Variants in ARK2C observed in about 807,000 individuals in gnomAD.
ARK2C encodes arkadia (RNF111) C-terminal like ring finger ubiquitin ligase 2C, also known as E3 ubiquitin-protein ligase ARK2C.
At chr18:46,377,035 G>C in the ARK2C span, among the ~76,000 whole-genome samples, 2 of 152,182 alleles carry the variant, frequency 1.3e-5, no homozygotes, top group Non-Finnish European at 2.9e-5. Flanking sequence ...ACCTCAGGGA[G>C]TGGTCAGGCA....
the ARK2C span, among the ~76,000 whole-genome samples, chr18:46,390,649 T>C: frequency 1.3e-5 from 2 of 152,182 alleles, no homozygotes; most frequent in African/African-American, 2.4e-5. Context: ...GGACAGTTAG[T>C]CCATCAGCCC....
the ARK2C span, among the ~76,000 whole-genome samples, chr18:46,338,153 C>T: frequency 1.3e-5 from 2 of 152,178 alleles, no homozygotes; most frequent in African/African-American, 2.4e-5. Context: ...TGTTTGCTGT[C>T]TCATTGATTT....
chr18:46,382,833 C>T, the ARK2C span, among the ~76,000 whole-genome samples: 1 of 152,218 alleles, frequency 6.6e-6, no homozygotes, highest in Non-Finnish European at 1.5e-5. Context: ...CAAGGTCTGG[C>T]ATCTGAGCAG....
chr18:46,340,734 A>G, the ARK2C span, among the ~76,000 whole-genome samples: 1 of 152,224 alleles, frequency 6.6e-6, no homozygotes, highest in African/African-American at 2.4e-5. Flanking sequence ...CTGATAGGCT[A>G]TGTCTAAGCT....
the ARK2C span, among the ~76,000 whole-genome samples, chr18:46,437,336 C>G: frequency 3.3e-5 from 5 of 152,186 alleles, no homozygotes; most frequent in Admixed American, 3.3e-4. Context: ...TGCATCCCAG[C>G]CCTCTTTTCT....
chr18:46,373,792 C>A, the ARK2C span, among the ~76,000 whole-genome samples: 1 of 152,166 alleles, frequency 6.6e-6, no homozygotes, highest in Non-Finnish European at 1.5e-5. Context: ...TTCAGACAGG[C>A]TCAGTGCCTA....
the ARK2C span, among the ~76,000 whole-genome samples, chr18:46,404,585 T>G: frequency 1.3e-5 from 2 of 152,188 alleles, no homozygotes; most frequent in East Asian, 3.9e-4. Context: ...GAAACCCATC[T>G]CTACTAAAAA....
the ARK2C span, among the ~76,000 whole-genome samples, chr18:46,400,068 TGG>T: frequency 6.6e-6 from 1 of 152,244 alleles, no homozygotes; most frequent in Non-Finnish European, 1.5e-5. Context: ...CCTGGAGCAC[TGG>T]GACCCCCACG....
chr18:46,410,955 G>A, the ARK2C span, among the ~76,000 whole-genome samples: 1 of 152,210 alleles, frequency 6.6e-6, no homozygotes. Context: ...GTCAGGTGCT[G>A]GCTGTGCATG....
At chr18:46,383,700 A>C in the ARK2C span, among the ~76,000 whole-genome samples, 16 of 152,140 alleles carry the variant, frequency 1.1e-4, no homozygotes, top group East Asian at 5.8e-4. Flanking sequence ...GACTACAGGC[A>C]GCCACCACCG....
chr18:46,439,577 G>A, the ARK2C span, among the ~76,000 whole-genome samples: 1 of 152,126 alleles, frequency 6.6e-6, no homozygotes, highest in Admixed American at 6.5e-5. Context: ...ACTGCTTGCA[G>A]CATATTTTCT....
chr18:46,407,097 G>T, the ARK2C span, among the ~76,000 whole-genome samples: 2 of 152,170 alleles, frequency 1.3e-5, no homozygotes, highest in African/African-American at 4.8e-5. Context: ...ACTATAAATT[G>T]CATCCTACCA....
At chr18:46,426,214 C>T in the ARK2C span, among the ~76,000 whole-genome samples, 4 of 152,140 alleles carry the variant, frequency 2.6e-5, no homozygotes, top group Non-Finnish European at 4.4e-5. Context: ...CCCTTCTGCC[C>T]GTCCACATTT....
At chr18:46,457,334 T>G in the ARK2C span, 1 of 152,516 alleles carries the variant, frequency 6.6e-6, no homozygotes, top group Non-Finnish European at 1.5e-5. Flanking sequence ...TCTCGTTTTA[T>G]TTTTGTTTTT....
the ARK2C span, among the ~76,000 whole-genome samples, chr18:46,402,704 T>C: frequency 1.3e-5 from 2 of 152,218 alleles, no homozygotes; most frequent in African/African-American, 2.4e-5. Context: ...TTTTGCCATG[T>C]TGCCCAAACT....
chr18:46,401,875 G>A, the ARK2C span, among the ~76,000 whole-genome samples: 2 of 152,302 alleles, frequency 1.3e-5, no homozygotes, highest in South Asian at 4.1e-4. Flanking sequence ...CTTCACACTG[G>A]GAGGGACCAT....
chr18:46,459,330 G>C, the ARK2C span: 1 of 152,264 alleles, frequency 6.6e-6, no homozygotes, highest in Non-Finnish European at 1.5e-5. Flanking sequence ...GGTTGGATTG[G>C]ATGCTTGCTA....
chr18:46,424,471 C>T, the ARK2C span, among the ~76,000 whole-genome samples: 1 of 152,202 alleles, frequency 6.6e-6, no homozygotes, highest in Non-Finnish European at 1.5e-5. Flanking sequence ...GTCCTTGTTT[C>T]TCCCTGGTTC....
chr18:46,394,161 G>C, the ARK2C span, among the ~76,000 whole-genome samples: 1 of 152,176 alleles, frequency 6.6e-6, no homozygotes, highest in South Asian at 2.1e-4. Context: ...GACAGATGGG[G>C]TCCCCTGCCG....
Sources: allele counts gnomAD v4.1 joint callset (sites outside exome capture counted in the v4.1 genomes callset), GRCh38; gene constraint gnomAD v4.1.1; transcripts MANE v1.5; gene names NCBI Gene and HGNC (gene_info 2026-07-23, HGNC 2026-07-21).